The following PTPRM variants were observed in gnomAD, a reference collection of about 807,000 sequenced individuals.
PTPRM encodes the protein receptor-type tyrosine-protein phosphatase mu.
Under a neutral mutation model 186.7 loss-of-function variants are expected in PTPRM, and 47 were observed. The ratio of observed to expected loss-of-function variants is 0.25; its 90% confidence interval spans 0.20 to 0.32. The LOEUF (loss-of-function observed/expected upper bound fraction) is 0.32, where lower values mean the gene tolerates loss of function less well. PTPRM is among the 10% of genes least tolerant of loss of function. The probability of loss-of-function intolerance (pLI) is 1.00; values close to 1 mark genes in which losing one functional copy is unlikely to be tolerated. For synonymous variants in PTPRM, 668 were observed against 674.9 expected (o/e 0.99, Z 0.16); for missense variants, 1,494 against 1,865.0 (o/e 0.80, Z 3.66).
intron 11 of PTPRM, among the ~76,000 whole-genome samples, chr18:8,093,891 C>G (rs761611304): frequency 6.6e-6 from 1 of 152,088 alleles, no homozygotes; most frequent in African/African-American, 2.4e-5. Flanking sequence ...CTTAACAAAG[C>G]CTAATGTTCT....
intron 14 of PTPRM, among the ~76,000 whole-genome samples, chr18:8,198,386 C>T (rs1014115432): frequency 2.6e-5 from 4 of 152,124 alleles, no homozygotes; most frequent in Non-Finnish European, 5.9e-5. Context: ...TAGGCTAAAG[C>T]GATCTGCCTA....
chr18:7,700,149 C>T (rs1375284512), intron 1 of PTPRM, among the ~76,000 whole-genome samples: 1 of 152,120 alleles, frequency 6.6e-6, no homozygotes, highest in Non-Finnish European at 1.5e-5. Context: ...GCCATGCCAA[C>T]ATGAAAATAA....
intron 1 of PTPRM, among the ~76,000 whole-genome samples, chr18:7,630,296 C>T (rs2038161075): frequency 6.6e-6 from 1 of 152,084 alleles, no homozygotes; most frequent in South Asian, 2.1e-4. Context: ...AGGGAAGCCC[C>T]TGAAGAGGGA....
At chr18:8,132,892 T>C (rs2092547419) in intron 13 of PTPRM, among the ~76,000 whole-genome samples, 1 of 152,180 alleles carries the variant, frequency 6.6e-6, no homozygotes, top group African/African-American at 2.4e-5. Context: ...GCAAATTTTC[T>C]GGTAAGGATT....
intron 1 of PTPRM, among the ~76,000 whole-genome samples, chr18:7,772,781 A>T (rs1331883023): frequency 6.6e-6 from 1 of 152,164 alleles, no homozygotes; most frequent in Admixed American, 6.5e-5. Context: ...CCAACAGGAC[A>T]CACATTGTGG....
intron 14 of PTPRM, among the ~76,000 whole-genome samples, chr18:8,243,258 A>T (rs879570692): frequency 1.3e-5 from 2 of 152,184 alleles, no homozygotes; most frequent in Non-Finnish European, 2.9e-5. Context: ...AAAGAATTAG[A>T]AATCTCTCTG....
At chr18:7,953,082 C>T (rs1031652760) in intron 6 of PTPRM, among the ~76,000 whole-genome samples, 1 of 152,188 alleles carries the variant, frequency 6.6e-6, no homozygotes, top group Non-Finnish European at 1.5e-5. Flanking sequence ...ATGTCTGTCC[C>T]AATTATTTCC....
At chr18:7,999,436 A>G (rs1421545263) in intron 7 of PTPRM, among the ~76,000 whole-genome samples, 1 of 152,080 alleles carries the variant, frequency 6.6e-6, no homozygotes, top group Non-Finnish European at 1.5e-5. Flanking sequence ...GTATCAGTAT[A>G]GGCTAGGTGA....
rs746481624 is a variant in PTPRM, at chr18:7,774,208, G to A, written c.133G>A (p.Asp45Asn). Reference protein sequence around the residue: ...TCGYSQSEGDDFNWEQVNTLT... With the variant: ...TCGYSQSEGDNFNWEQVNTLT... ...TGGATATAGTCAATCTGAAGGTGAT[G>A]ACTTCAATTGGGAGCAAGTGAACAC... Residue 45 changes from aspartate to asparagine, a missense_variant, in exon 2 of 33, where the codon GAC becomes AAC. Physicochemically the swap from Asp to Asn is conservative, Grantham distance 23 (BLOSUM62 1). Coordinates refer to ENST00000580170, the MANE Select transcript of PTPRM (RefSeq NM_001105244.2). 6 of 1,613,234 alleles carry A rather than the reference G, an allele frequency of 3.7e-6. No individual in the cohort carries two copies. The highest frequency in any genetic ancestry group is 3.4e-6 in the Non-Finnish European group (4 of 1,179,324).
At chr18:8,049,655 CAT>C (rs150500622) in intron 7 of PTPRM, among the ~76,000 whole-genome samples, 4 of 147,896 alleles carry the variant, frequency 2.7e-5, no homozygotes, top group Admixed American at 6.7e-5. Context: ...ACATAATAAA[CAT>C]ATATATATAT....
intron 32 of PTPRM, chr18:8,404,624 G>A (rs2095892554): frequency 2.0e-5 from 3 of 152,226 alleles, no homozygotes; most frequent in African/African-American, 7.2e-5. Context: ...AAGAAATACT[G>A]GACGTTTTCA....
intron 1 of PTPRM, among the ~76,000 whole-genome samples, chr18:7,653,616 C>T (rs1210857429): frequency 6.6e-6 from 1 of 152,134 alleles, no homozygotes; most frequent in African/African-American, 2.4e-5. Context: ...TAATGGTCTC[C>T]AGCTCCATCC....
chr18:7,576,863 G>A (rs1488310981), intron 1 of PTPRM, among the ~76,000 whole-genome samples: 1 of 152,170 alleles, frequency 6.6e-6, no homozygotes, highest in African/African-American at 2.4e-5. Context: ...TGCTTAAAAT[G>A]AACTTAAAAT....
chr18:7,684,684 C>G (rs139407318), intron 1 of PTPRM, among the ~76,000 whole-genome samples: 72 of 152,308 alleles, frequency 4.7e-4, no homozygotes, highest in African/African-American at 1.6e-3. Flanking sequence ...ATTTCCTTCT[C>G]TTTAAAGGTG....
chr18:7,761,565 C>G (rs1450510831), intron 1 of PTPRM, among the ~76,000 whole-genome samples: 1 of 152,188 alleles, frequency 6.6e-6, no homozygotes, highest in Non-Finnish European at 1.5e-5. Context: ...TAGGTACTGA[C>G]TCTCTGGTTT....
intron 7 of PTPRM, among the ~76,000 whole-genome samples, chr18:8,019,762 T>A (rs2085093762): frequency 6.8e-6 from 1 of 147,900 alleles, no homozygotes; most frequent in Non-Finnish European, 1.5e-5. Context: ...CATTTATTTT[T>A]ATAATCATTT....
chr18:8,145,430 A>T (rs904971879), intron 14 of PTPRM, among the ~76,000 whole-genome samples: 2 of 152,070 alleles, frequency 1.3e-5, no homozygotes, highest in Non-Finnish European at 2.9e-5. Context: ...CCATCATCCC[A>T]TCACCTATAT....
intron 2 of PTPRM, among the ~76,000 whole-genome samples, chr18:7,797,840 A>G (rs2043746353): frequency 6.6e-6 from 1 of 152,136 alleles, no homozygotes; most frequent in East Asian, 1.9e-4. Flanking sequence ...GCTAATCTTA[A>G]ATTTAGGGTC....
intron 11 of PTPRM, among the ~76,000 whole-genome samples, chr18:8,098,798 C>A (rs879246709): frequency 6.6e-6 from 1 of 152,104 alleles, no homozygotes; most frequent in African/African-American, 2.4e-5. Context: ...TTCCATCCCC[C>A]ACAATCACTG....
Sources: gnomAD v4.1 joint callset for allele counts (sites outside exome capture counted in the v4.1 genomes callset) on GRCh38, gnomAD v4.1.1 for gene constraint, MANE v1.5 for transcripts, NCBI Gene and HGNC (gene_info 2026-07-23, HGNC 2026-07-21) for gene names.